The following CHGB variants were observed in gnomAD, a reference collection of about 807,000 sequenced individuals.
CHGB encodes the protein chromogranin B, also known as secretogranin-1.
A neutral mutation model predicts 69.9 loss-of-function variants in CHGB; 46 were observed. That is an observed-to-expected ratio of 0.66 (90% CI 0.52 to 0.84). The LOEUF is 0.84. Among genes scored for constraint, CHGB ranks in the 40% least tolerant of loss-of-function variants. The pLI is 0.00. For missense variants in CHGB, 796 were observed against 822.2 expected, an observed-to-expected ratio of 0.97 and a Z score of 0.39; for synonymous variants, 312 against 298.2, an observed-to-expected ratio of 1.05 and a Z score of -0.48.
At chr20:5,914,343 A>G (rs959736310) in intron 1 of CHGB, among the ~76,000 whole-genome samples, 4 of 152,216 alleles carry the variant, frequency 2.6e-5, no homozygotes, top group African/African-American at 4.8e-5. Context: ...TCCATCAAAA[A>G]GAGATCTGAA....
rs200140204 is a variant in CHGB at position 5,923,407 on chromosome 20, C to A, written c.1263C>A (p.Gly421=). 109 of 1,613,818 alleles carry A rather than the reference C, an allele frequency of 6.8e-5. No homozygotes were observed. The highest frequency in any genetic ancestry group is 2.7e-5 in the African/African-American group (2 of 74,860). ...LEPGKGRHHR[G]RGGEPRAYFM... ...CGGGAAAGGGACGCCATCACAGAGG[C>A]AGGGGAGGGGAGCCACGTGCCTATT... Residue 421 remains glycine, a synonymous_variant, in exon 4 of 5, where the codon GGC becomes GGA. Transcript: ENST00000378961.
intron 1 of CHGB, 48 bp downstream of exon 1, chr20:5,911,730 C>T: frequency 7.3e-7 from 1 of 1,361,242 alleles, no homozygotes; most frequent in Admixed American, 3.8e-5. Context: ...GCGCCAGCCT[C>T]GCTCTTCCCC....
rs144432184 is a variant in CHGB, at chr20:5,919,823, C to T, written c.191-2512C>T. Among the ~76,000 whole-genome samples the T allele has an allele frequency of 4.8e-3, 731 of 152,312 alleles. 3 individuals are homozygous for T. Among genetic ancestry groups the T allele is most frequent in the African/African-American group, 0.016 (680 of 41,556 alleles). The stretch of plus-strand genomic sequence containing the variant: ...TTTATACAGCCTCTGTTCCACCCCA[C>T]GCCCATCTCCACTCCCACTCCTACT... On this transcript the variant is annotated intron_variant, in intron 3 of 4. Transcript: ENST00000378961.
chr20:5,922,192 G>A (rs1038498599), intron 3 of CHGB, 143 bp from the exon 4 acceptor site: 174 of 1,149,726 alleles, frequency 1.5e-4, no homozygotes, highest in Non-Finnish European at 2.0e-4. Context: ...CTTTCAAAAG[G>A]AATCTGAGTA....
intron 3 of CHGB, among the ~76,000 whole-genome samples, chr20:5,920,949 A>G (rs2088510225): frequency 6.6e-6 from 1 of 152,234 alleles, no homozygotes; most frequent in African/African-American, 2.4e-5. Context: ...CAAAATAAAT[A>G]ATTTTTTTCC....
rs535132535 is a variant in CHGB at position 5,925,207 on chromosome 20, C to T, written c.*158C>T. ...AATTGGAATTGTCTTTAATTTCTGT[C>T]AGAATGCTATTGAAAATGTGAATTG... On this transcript the variant is annotated 3_prime_UTR_variant, in exon 5 of 5. Coordinates refer to ENST00000378961, the MANE Select transcript of CHGB (RefSeq NM_001819.3). 5.7e-6 allele frequency: 3 copies of T among 522,172 alleles called. No homozygotes were observed. The South Asian group carries it at 7.8e-5, about 14-fold the overall frequency. The allele number at this position is 522,172 out of a possible 1,614,324, so 32.3% of individuals were successfully genotyped here.
At position 5,922,529 on chromosome 20, in the gene CHGB, C is replaced by A; in HGVS notation, c.385C>A (p.His129Asn). 2 of 1,612,708 alleles carry A rather than the reference C, an allele frequency of 1.2e-6. No individual in the cohort carries two copies. The change falls in exon 4 of 5, where the codon CAC (histidine) becomes AAC (asparagine). Residue 129 changes from histidine (H) to asparagine (N), a missense_variant. By Grantham distance (68) the His-to-Asn change is moderately conservative (BLOSUM62 1). Around this residue, in one of 3 missense-constraint regions of CHGB, gnomAD observed 518 missense variants for 506.3 expected, o/e 1.02. Transcript: ENST00000378961. ...DTEKWAEGGG[H>N]SRERADEPQW... Reference sequence around the variant, plus strand: ...AGAGAAATGGGCAGAGGGAGGCGGGCACAGCCGAGAGCGAGCGGATGAGCC... The same window carrying A: ...AGAGAAATGGGCAGAGGGAGGCGGGAACAGCCGAGAGCGAGCGGATGAGCC...
Position 5,916,890 on chromosome 20 carries a change from C to T in CHGB, c.161C>T (p.Thr54Ile), listed in dbSNP as rs2088478785. ...ALSKSSAPPI[T>I]PECRQVLKTS... ...TCGAAGTCCAGCGCTCCACCCATCA[C>T]CCCTGAGTGCCGCCAAGTCCTGAAG... Residue 54 changes from threonine to isoleucine, a missense_variant, in exon 3 of 5, where the codon ACC becomes ATC. This residue lies in a region of CHGB where 518 missense variants were observed against 506.3 expected (regional missense o/e 1.02). Coordinates refer to ENST00000378961, the MANE Select transcript of CHGB (RefSeq NM_001819.3). 6.2e-7 allele frequency: 1 copy of T among 1,614,226 alleles called. No homozygotes were observed.
chr20:5,924,190 T>C (rs2088536626), intron 4 of CHGB, 90 bp downstream of exon 4: 7 of 1,445,418 alleles, frequency 4.8e-6, no homozygotes, highest in Admixed American at 5.6e-5. Flanking sequence ...CGGGGAGAAA[T>C]TGGTGGGAAT....
chr20:5,924,994 C>G lies in CHGB; in HGVS notation c.1979C>G (p.Ala660Gly), dbSNP rs2088541481. 2.5e-6 allele frequency: 4 copies of G among 1,612,986 alleles called. No individual in the cohort carries two copies. Among genetic ancestry groups the G allele is most frequent in the Non-Finnish European group, 3.4e-6 (4 of 1,179,234 alleles). ...CAGAAAAAAGAACTCGAAAACTTGG[C>G]TGCAATGGATTTGGAACTACAGAAG... Reference protein sequence around the residue: ...EDEKKELENLAAMDLELQKIA... With the variant: ...EDEKKELENLGAMDLELQKIA... The change falls in exon 5 of 5, where the codon GCT (alanine) becomes GGT (glycine). Residue 660 changes from alanine (A) to glycine (G), a missense_variant. Physicochemically the swap from Ala to Gly is moderately conservative, Grantham distance 60 (BLOSUM62 0). This residue lies in a region of CHGB where 274 missense variants were observed against 298.9 expected (regional missense o/e 0.92). Coordinates refer to ENST00000378961, the MANE Select transcript of CHGB (RefSeq NM_001819.3).
Position 5,923,914 on chromosome 20 carries a change from C to T in CHGB, c.1770C>T (p.Ala590=), listed in dbSNP as rs1238612984. The change falls in exon 4 of 5, where the codon GCC becomes GCT. Residue 590 remains alanine (A), a synonymous_variant. Coordinates refer to ENST00000378961, the MANE Select transcript of CHGB (RefSeq NM_001819.3). Reference sequence around the variant, plus strand: ...GGGGGTATGAGAAGAGAAACCTCGCCAGGGTCCCCAAGCTGGACCTGAAAA... The same window carrying T: ...GGGGGTATGAGAAGAGAAACCTCGCTAGGGTCCCCAAGCTGGACCTGAAAA... The part of the protein sequence containing the change: ...VNWGYEKRNL[A]RVPKLDLKRQ... 2.5e-6 allele frequency: 4 copies of T among 1,614,180 alleles called. No homozygotes were observed. In the South Asian group the frequency reaches 4.4e-5, roughly 18 times the overall value.
In CHGB at chr20:5,922,794, C is replaced by T. The variant is rs560272361; in HGVS notation, c.650C>T (p.Ser217Leu). The change falls in exon 4 of 5, where the codon TCG (serine) becomes TTG (leucine). Residue 217 changes from serine (S) to leucine (L), a missense_variant. By Grantham distance (145) the Ser-to-Leu change is moderately radical. Transcript: ENST00000378961. ...AAAAAAGAGGAGTTAGTGGCCAGAT[C>T]GGAAACACATGCTGCCGGGCATTCT... ...AIKKEELVAR[S>L]ETHAAGHSQE... The T allele has an allele frequency of 2.4e-5, 38 of 1,613,930 alleles. No homozygotes were observed. The Admixed American group carries it at 3.3e-4, about 14-fold the overall frequency.
intron 3 of CHGB, among the ~76,000 whole-genome samples, chr20:5,921,709 G>A (rs867946139): frequency 2.0e-5 from 3 of 152,182 alleles, no homozygotes; most frequent in Middle Eastern, 3.2e-3. Context: ...GGCAAGAAAT[G>A]TACACCCTTA....
rs758337340 is a variant in CHGB at position 5,923,290 on chromosome 20, T to C, written c.1146T>C (p.Asp382=). ...GACCTCAGAGTGAGGAGAGTTGGGA[T>C]GAGGAGGACAAGAGAAACTACCCCA... ...APRPQSEESW[D]EEDKRNYPSL... Residue 382 remains aspartate (D), a synonymous_variant, in exon 4 of 5, where the codon GAT becomes GAC. Transcript: ENST00000378961. 2 of 1,613,138 alleles carry C rather than the reference T, an allele frequency of 1.2e-6. No homozygotes were observed. The highest frequency in any genetic ancestry group is 1.7e-6 in the Non-Finnish European group (2 of 1,179,932).
At chr20:5,919,972 A>G (rs1490978211) in intron 3 of CHGB, among the ~76,000 whole-genome samples, 9 of 152,224 alleles carry the variant, frequency 5.9e-5, no homozygotes, top group Non-Finnish European at 4.4e-5. Flanking sequence ...TCACAGGTAC[A>G]AGAATCTCTT....
chr20:5,923,473 A>G lies in CHGB; in HGVS notation c.1329A>G (p.Glu443=). ...DTREEKRFLG[E]GHHRVQENQM... is the part of the protein sequence containing the mutation. ...GAGAAGAGAAAAGGTTCTTGGGTGA[A>G]GGACACCACCGTGTCCAAGAAAACC... The change falls in exon 4 of 5, where the codon GAA becomes GAG. Residue 443 remains glutamate (E), a synonymous_variant. Transcript: ENST00000378961. 6.2e-7 allele frequency: 1 copy of G among 1,614,158 alleles called. No homozygotes were observed. Among genetic ancestry groups the G allele is most frequent in the Non-Finnish European group, 8.5e-7 (1 of 1,180,042 alleles).
At position 5,925,080 on chromosome 20, in the gene CHGB, A is replaced by G. The variant is rs371881018; in HGVS notation, c.*31A>G. The G allele has an allele frequency of 1.4e-6, 2 of 1,472,034 alleles. No individual in the cohort carries two copies. The highest frequency in any genetic ancestry group is 2.8e-5 in the African/African-American group (2 of 71,544). 91.2% of individuals were successfully genotyped at this position (1,472,034 alleles called of 1,614,324 possible). Reference sequence around the variant, plus strand: ...ATTGGAGCGGTGGGCACTGTTAAGAAGCAGCCATCACATGATCTGTTTTTC... The same window carrying G: ...ATTGGAGCGGTGGGCACTGTTAAGAGGCAGCCATCACATGATCTGTTTTTC... On this transcript the variant is annotated 3_prime_UTR_variant, in exon 5 of 5. Transcript: ENST00000378961.
In CHGB at chr20:5,924,958, T is replaced by C. The variant is rs755932840; in HGVS notation, c.1957-14T>C. ...GTTCGGGACCTCATGCCTCCACTTT[T>C]CTGTATTTTCCAGAAAAAAGAACTC... is the stretch of plus-strand genomic sequence containing the variant. On this transcript the variant is annotated splice_polypyrimidine_tract_variant and intron_variant, in intron 4 of 4. Coordinates refer to ENST00000378961, the MANE Select transcript of CHGB (RefSeq NM_001819.3). 7 of 1,586,980 alleles carry C rather than the reference T, an allele frequency of 4.4e-6. No individual in the cohort carries two copies. The highest frequency in any genetic ancestry group is 1.3e-5 in the African/African-American group (1 of 74,450).
chr20:5,918,812 A>T (rs1349887989), intron 3 of CHGB, among the ~76,000 whole-genome samples: 2 of 15,540 alleles, frequency 1.3e-4, no homozygotes, highest in Non-Finnish European at 2.4e-4. Flanking sequence ...TCTCTGTCTA[A>T]AAAAAAAAAA....
Sources: allele counts gnomAD v4.1 joint callset (sites outside exome capture counted in the v4.1 genomes callset), GRCh38; gene constraint gnomAD v4.1.1; regional missense constraint gnomAD v4.1.1; transcripts MANE v1.5; gene names NCBI Gene and HGNC (gene_info 2026-07-23, HGNC 2026-07-21).